Variants in RBCK1 observed in about 807,000 individuals in gnomAD.
RBCK1 encodes the protein ranBP-type and C3HC4-type zinc finger-containing protein 1.
In RBCK1, 44 loss-of-function variants were observed where a neutral mutation model predicts 71.1. The ratio of observed to expected loss-of-function variants is 0.62; its 90% confidence interval spans 0.49 to 0.80. The LOEUF (loss-of-function observed/expected upper bound fraction) is 0.80. RBCK1 is among the 30% of genes least tolerant of loss of function. The pLI is 0.00. For missense variants in RBCK1, 569 were observed against 685.0 expected (o/e 0.83, Z 1.89); for synonymous variants, 306 against 279.7 (o/e 1.09, Z -0.94).
intron 6 of RBCK1, chr20:420,561 A>C (rs4635591): frequency 1.0e-6 from 1 of 980,086 alleles, no homozygotes; most frequent in South Asian, 4.8e-5. Context: ...TTGCTGTCTC[A>C]CCTGGCGCCT....
Position 417,787 on chromosome 20 carries a change from G to T in RBCK1, c.317G>T (p.Arg106Leu), listed in dbSNP as rs752153553. 4.3e-6 allele frequency: 7 copies of T among 1,614,068 alleles called. No individual in the cohort carries two copies. Among genetic ancestry groups the T allele is most frequent in the Non-Finnish European group, 5.1e-6 (6 of 1,179,984 alleles). ...TTGCAGCAGTGGGTGATTGGGCAGC[G>T]GCTGGCACGAGACCAGGAGACCCTG... ...PVLQQWVIGQ[R>L]LARDQETLHS... Residue 106 changes from arginine (R) to leucine (L), a missense_variant, in exon 4 of 12, where the codon CGG becomes CTG. By Grantham distance (102) the Arg-to-Leu change is moderately radical. Coordinates refer to ENST00000356286, the MANE Select transcript of RBCK1 (RefSeq NM_031229.4). The surrounding 1 kb of genome is among the most constrained non-coding windows in gnomAD (Gnocchi z 4.7).
At chr20:425,523 A>G (rs1327213082) in intron 8 of RBCK1, among the ~76,000 whole-genome samples, 1 of 152,192 alleles carries the variant, frequency 6.6e-6, no homozygotes, top group Admixed American at 6.5e-5. Flanking sequence ...GAATTTTTCT[A>G]AAGATTATTA....
intron 6 of RBCK1, 155 bp downstream of exon 6, chr20:419,886 T>C: frequency 7.4e-6 from 4 of 541,974 alleles, no homozygotes; most frequent in Non-Finnish European, 9.8e-6. Flanking sequence ...GCTGTGACCC[T>C]GCACCTGGCT....
rs775656819 is a variant in RBCK1 at position 428,911 on chromosome 20, C to T, written c.1309-40C>T. The T allele has an allele frequency of 1.9e-6, 3 of 1,572,358 alleles. No homozygotes were observed. In the South Asian group the frequency reaches 3.5e-5, roughly 18 times the overall value. On this transcript the variant is annotated intron_variant, in intron 10 of 11. Transcript: ENST00000356286. The surrounding 1 kb of genome is among the most constrained non-coding windows in gnomAD (Gnocchi z 5.7). ...GGGGAGGGGCCAGGCTGGGTGACTG[C>T]CCCAGCCCCGCCCCAGGGCCAGCAC...
At chr20:421,154 G>A in intron 7 of RBCK1, 123 bp downstream of exon 7, 1 of 1,232,052 alleles carries the variant, frequency 8.1e-7, no homozygotes, top group Non-Finnish European at 1.1e-6. Context: ...AACCTACGAG[G>A]TAGGCTCCGT....
chr20:424,520 C>A (rs1421045717), intron 8 of RBCK1, among the ~76,000 whole-genome samples: 1 of 150,996 alleles, frequency 6.6e-6, no homozygotes, highest in Non-Finnish European at 1.5e-5. Flanking sequence ...AGAGGTTCTG[C>A]CCCTGGGGAA....
Position 417,453 on chromosome 20 carries a change from A to T in RBCK1, c.168-73A>T. 2 of 1,299,494 alleles carry T rather than the reference A, an allele frequency of 1.5e-6. No homozygotes were observed. Among genetic ancestry groups the T allele is most frequent in the Non-Finnish European group, 2.2e-6 (2 of 897,086 alleles). 80.5% of individuals were successfully genotyped at this position (1,299,494 alleles called of 1,614,324 possible). A position where few individuals can be genotyped will look rare whatever the true frequency, so the allele number is the denominator to read the frequency against. On this transcript the variant is annotated intron_variant, in intron 2 of 11. Transcript: ENST00000356286. The surrounding 1 kb of genome is among the most constrained non-coding windows in gnomAD (Gnocchi z 4.7). Reference sequence around the variant, plus strand: ...GCCATGTGCCTGTGTGCAAATATGTACATGTCTGTAGCCGGTGGCTGAGGC... The same window carrying T: ...GCCATGTGCCTGTGTGCAAATATGTTCATGTCTGTAGCCGGTGGCTGAGGC...
In RBCK1 at chr20:408,573, A is replaced by G; in HGVS notation, c.-185A>G. 1.4e-6 allele frequency: 1 copy of G among 728,204 alleles called. No homozygotes were observed. Among genetic ancestry groups the G allele is most frequent in the East Asian group, 2.7e-5 (1 of 36,368 alleles). The allele number at this position is 728,204 out of a possible 1,614,324, so 45.1% of individuals were successfully genotyped here. A position where few individuals can be genotyped will look rare whatever the true frequency, so the allele number is the denominator to read the frequency against. ...CCCCACGCAGGATCCCGGCCTGGTC[A>G]CCGGGCAGTGTGATGCTTCCCGACT... On this transcript the variant is annotated 5_prime_UTR_variant, in exon 1 of 12. Transcript: ENST00000356286.
intron 8 of RBCK1, among the ~76,000 whole-genome samples, chr20:424,641 C>T (rs953917326): frequency 6.6e-6 from 1 of 152,168 alleles, no homozygotes; most frequent in African/African-American, 2.4e-5. Flanking sequence ...TTCGCTCTGG[C>T]CTGGAGAGAC....
chr20:419,274 A>T, intron 4 of RBCK1, 73 bp from the exon 5 acceptor site: 1 of 1,594,338 alleles, frequency 6.3e-7, no homozygotes, highest in South Asian at 1.1e-5. Context: ...TGGCTGGCTC[A>T]GGGAGACCCA....
chr20:413,653 TG>T (rs773433863), intron 2 of RBCK1, among the ~76,000 whole-genome samples: 3 of 152,034 alleles, frequency 2.0e-5, no homozygotes, highest in Non-Finnish European at 2.9e-5. Flanking sequence ...GACCACAACA[TG>T]GGGGGAATCT....
In RBCK1 at chr20:430,252, G is replaced by T; in HGVS notation, c.1453-98G>T. On this transcript the variant is annotated intron_variant, in intron 11 of 11. Coordinates refer to ENST00000356286, the MANE Select transcript of RBCK1 (RefSeq NM_031229.4). This position sits in a 1 kb window ranked among gnomAD's most constrained non-coding sequence, Gnocchi z 5.6. ...GCTGACCAGGCCATTCTTGCAGGAG[G>T]ACCTGCAGAGGCAAAGGCCCGGGGT... The T allele has an allele frequency of 2.9e-6, 3 of 1,052,496 alleles. No individual in the cohort carries two copies. In the South Asian group the frequency reaches 4.0e-5, roughly 14 times the overall value. 65.2% of individuals were successfully genotyped at this position (1,052,496 alleles called of 1,614,324 possible). A position where few individuals can be genotyped will look rare whatever the true frequency, so the allele number is the denominator to read the frequency against.
chr20:410,979 A>G (rs771919744), intron 2 of RBCK1, among the ~76,000 whole-genome samples: 54 of 152,110 alleles, frequency 3.6e-4, no homozygotes, highest in Non-Finnish European at 5.6e-4. Context: ...GAACATTTTC[A>G]TCATCCTGTA....
intron 6 of RBCK1, 93 bp downstream of exon 6, chr20:419,824 C>G: frequency 6.9e-7 from 1 of 1,459,788 alleles, no homozygotes; most frequent in Non-Finnish European, 9.1e-7. Context: ...CGCGCCTCTC[C>G]GTTACTGCCT....
intron 8 of RBCK1, among the ~76,000 whole-genome samples, chr20:425,432 T>C (rs1021321645): frequency 3.3e-5 from 5 of 152,236 alleles, no homozygotes; most frequent in Admixed American, 1.3e-4. Context: ...CCAACCACTG[T>C]TACATATAAC....
Position 428,747 on chromosome 20 carries a change from G to A in RBCK1, c.1308+158G>A. On this transcript the variant is annotated intron_variant, in intron 10 of 11. Transcript: ENST00000356286. The surrounding 1 kb of genome is among the most constrained non-coding windows in gnomAD (Gnocchi z 5.7). Reference sequence around the variant, plus strand: ...TCCGGAGGTGGGACTTAGGCCGAATGGTCATGTCAGGAAGAGCGTCTGGGT... The same window carrying A: ...TCCGGAGGTGGGACTTAGGCCGAATAGTCATGTCAGGAAGAGCGTCTGGGT... 1 of 1,396,742 alleles carries A rather than the reference G, an allele frequency of 7.2e-7. No individual in the cohort carries two copies. Among genetic ancestry groups the A allele is most frequent in the South Asian group, 1.5e-5 (1 of 65,802 alleles). The allele number at this position is 1,396,742 out of a possible 1,614,324, so 86.5% of individuals were successfully genotyped here. A position where few individuals can be genotyped will look rare whatever the true frequency, so the allele number is the denominator to read the frequency against.
intron 2 of RBCK1, among the ~76,000 whole-genome samples, chr20:415,106 T>C (rs188039631): frequency 6.6e-6 from 1 of 152,318 alleles, no homozygotes; most frequent in East Asian, 1.9e-4. Flanking sequence ...CGGGGCACGA[T>C]GGATGATGCT....
chr20:408,546 C>T lies in RBCK1; in HGVS notation c.-212C>T, dbSNP rs1203653755. 4 of 632,308 alleles carry T rather than the reference C, an allele frequency of 6.3e-6. No homozygotes were observed. The highest frequency in any genetic ancestry group is 1.1e-5 in the Non-Finnish European group (4 of 358,844). 39.2% of individuals were successfully genotyped at this position (632,308 alleles called of 1,614,324 possible). On this transcript the variant is annotated 5_prime_UTR_variant, in exon 1 of 12. Transcript: ENST00000356286. ...GTCTCGGCGCCCGCTGCCCTCTCAC[C>T]GCCCCACGCAGGATCCCGGCCTGGT...
At chr20:408,898 C>A in intron 1 of RBCK1, 119 bp downstream of exon 1, 1 of 1,195,086 alleles carries the variant, frequency 8.4e-7, no homozygotes, top group Non-Finnish European at 1.2e-6. Flanking sequence ...CCTCCCTCTA[C>A]CCTCCTCCCC....
Sources: allele counts gnomAD v4.1 joint callset (sites outside exome capture counted in the v4.1 genomes callset), GRCh38; gene constraint gnomAD v4.1.1; non-coding constraint Gnocchi (gnomAD v3.1); transcripts MANE v1.5; gene names NCBI Gene and HGNC (gene_info 2026-07-23, HGNC 2026-07-21).